The following EYS variants were observed in gnomAD, a reference collection of about 807,000 sequenced individuals.
EYS encodes EGF-like photoreceptor maintenance factor.
EYS carries 250 observed loss-of-function variants against 282.1 expected under a neutral mutation model. That is an observed-to-expected ratio of 0.89 (90% CI 0.80 to 0.98). EYS has a LOEUF of 0.98. EYS is among the 50% of genes least tolerant of loss of function. EYS has a pLI of 0.00. For missense variants in EYS, 4,016 were observed against 3,709.0 expected, an observed-to-expected ratio of 1.08 and a Z score of -2.15; for synonymous variants, 1,355 against 1,282.9, an observed-to-expected ratio of 1.06 and a Z score of -1.20.
At chr6:65,063,718 G>C (rs17410279) in intron 12 of EYS, among the ~76,000 whole-genome samples, 30,450 of 151,916 alleles carry the variant, frequency 0.2, 3,548 homozygotes, top group South Asian at 0.26. Context: ...TAAAACTCTT[G>C]ACCTTCTGTT....
chr6:63,819,491 T>G (rs143419815), intron 36 of EYS, among the ~76,000 whole-genome samples: 1 of 152,200 alleles, frequency 6.6e-6, no homozygotes, highest in Non-Finnish European at 1.5e-5. Context: ...ATCTGTGTAG[T>G]ATGATTGTGG....
chr6:65,234,479 T>C (rs968246048), intron 12 of EYS, among the ~76,000 whole-genome samples: 1 of 152,186 alleles, frequency 6.6e-6, no homozygotes, highest in Non-Finnish European at 1.5e-5. Flanking sequence ...TTTCTATATA[T>C]TGTGAAGTGA....
chr6:63,896,441 A>G (rs1356746867), intron 35 of EYS, among the ~76,000 whole-genome samples: 2 of 152,224 alleles, frequency 1.3e-5, no homozygotes, highest in Admixed American at 1.3e-4. Context: ...AGCAAAATAG[A>G]GTGGGAAGTA....
intron 12 of EYS, among the ~76,000 whole-genome samples, chr6:65,150,937 A>G (rs975559748): frequency 1.3e-5 from 2 of 151,954 alleles, no homozygotes; most frequent in Non-Finnish European, 2.9e-5. Context: ...TTCTTATTTA[A>G]TAAATCATAT....
At chr6:64,634,867 T>A (rs1202234695) in intron 22 of EYS, among the ~76,000 whole-genome samples, 1 of 152,212 alleles carries the variant, frequency 6.6e-6, no homozygotes, top group South Asian at 2.1e-4. Flanking sequence ...TTTTAAGAGA[T>A]AACAAGCATG....
intron 2 of EYS, among the ~76,000 whole-genome samples, chr6:65,539,368 T>C (rs1768078680): frequency 6.6e-6 from 1 of 152,188 alleles, no homozygotes; most frequent in Non-Finnish European, 1.5e-5. Flanking sequence ...ATAGTTCTCA[T>C]TCAGTAAAAT....
chr6:64,311,978 G>GGTTT lies in EYS; in HGVS notation c.6079-4900_6079-4897dup, dbSNP rs1239400505. ...GGAAGCCACTGAGCTAGCTGCAGAAGGTTTTTTTTTTTTTCATACCCCAGT... is the reference window on the plus strand; with the variant it reads ...GGAAGCCACTGAGCTAGCTGCAGAAGGTTTGTTTTTTTTTTTTTCATACCCCAGT... On this transcript the variant is annotated intron_variant, in intron 29 of 42. Coordinates refer to ENST00000503581, the MANE Select transcript of EYS (RefSeq NM_001142800.2). Among the ~76,000 whole-genome samples the GGTTT allele has an allele frequency of 3.6e-3, 211 of 58,018 alleles. 3 individuals are homozygous for GGTTT. Among genetic ancestry groups the GGTTT allele is most frequent in the Non-Finnish European group, 2.5e-3 (71 of 28,538 alleles). 38.1% of individuals were successfully genotyped at this position (58,018 alleles called of 152,430 possible).
chr6:65,561,365 A>C (rs1447060039), intron 2 of EYS, among the ~76,000 whole-genome samples: 1 of 152,186 alleles, frequency 6.6e-6, no homozygotes, highest in Non-Finnish European at 1.5e-5. Context: ...AGACTTCTTG[A>C]GTCACCATTT....
intron 29 of EYS, among the ~76,000 whole-genome samples, chr6:64,334,057 G>A (rs1180108822): frequency 6.6e-6 from 1 of 152,198 alleles, no homozygotes; most frequent in Non-Finnish European, 1.5e-5. Flanking sequence ...GAACCAGGTA[G>A]GGGAAACAAC....
chr6:64,761,664 C>T (rs1178495528), intron 22 of EYS, among the ~76,000 whole-genome samples: 1 of 152,004 alleles, frequency 6.6e-6, no homozygotes, highest in Non-Finnish European at 1.5e-5. Flanking sequence ...ACCATGTTGG[C>T]CAGGATGGTT....
At chr6:64,855,289 T>C (rs948377610) in intron 19 of EYS, among the ~76,000 whole-genome samples, 1 of 152,114 alleles carries the variant, frequency 6.6e-6, no homozygotes, top group Non-Finnish European at 1.5e-5. Context: ...TCAAAATTTC[T>C]TCTTCCTTGT....
intron 13 of EYS, among the ~76,000 whole-genome samples, chr6:65,016,259 C>T (rs555198591): frequency 1.3e-5 from 2 of 151,760 alleles, no homozygotes; most frequent in African/African-American, 2.4e-5. Context: ...CAAACTAGTA[C>T]GTTACTTTCA....
At chr6:63,998,397 TTTCCAA>T (rs1767931072) in intron 34 of EYS, among the ~76,000 whole-genome samples, 1 of 152,180 alleles carries the variant, frequency 6.6e-6, no homozygotes. Flanking sequence ...TAAAATGAAA[TTTCCAA>T]TTCATTAAGG....
intron 29 of EYS, among the ~76,000 whole-genome samples, chr6:64,319,235 A>C (rs1269530558): frequency 1.3e-5 from 2 of 152,058 alleles, no homozygotes; most frequent in African/African-American, 4.8e-5. Context: ...TTGGTATTAC[A>C]AAAACAACTT....
intron 2 of EYS, among the ~76,000 whole-genome samples, chr6:65,506,121 G>T (rs560614417): frequency 3.9e-5 from 6 of 152,098 alleles, no homozygotes; most frequent in South Asian, 2.1e-4. Context: ...CCTGAAGACC[G>T]CTTTATCTGA....
At chr6:64,314,072 C>T (rs1024155227) in intron 29 of EYS, among the ~76,000 whole-genome samples, 1 of 151,732 alleles carries the variant, frequency 6.6e-6, no homozygotes, top group Non-Finnish European at 1.5e-5. Flanking sequence ...CACAGACTGG[C>T]AATTTGGACA....
chr6:64,004,539 T>C (rs1301761922), intron 33 of EYS, among the ~76,000 whole-genome samples: 1 of 152,052 alleles, frequency 6.6e-6, no homozygotes, highest in Non-Finnish European at 1.5e-5. Flanking sequence ...TCATGATGTA[T>C]AGATTATTTC....
At chr6:64,601,394 A>G (rs1327495932) in intron 24 of EYS, among the ~76,000 whole-genome samples, 1 of 151,412 alleles carries the variant, frequency 6.6e-6, no homozygotes, top group Non-Finnish European at 1.5e-5. Flanking sequence ...CCATTCTAAC[A>G]TGTTCCTCCA....
intron 2 of EYS, among the ~76,000 whole-genome samples, chr6:65,604,838 C>CT (rs1765729166): frequency 9.8e-6 from 1 of 101,540 alleles, no homozygotes; most frequent in Admixed American, 1.2e-4. Context: ...AAATTCACTG[C>CT]CCCCTTTTTT....
Sources: gnomAD v4.1 joint callset for allele counts (sites outside exome capture counted in the v4.1 genomes callset) on GRCh38, gnomAD v4.1.1 for gene constraint, MANE v1.5 for transcripts, NCBI Gene and HGNC (gene_info 2026-07-23, HGNC 2026-07-21) for gene names.